RAB3C: variants seen among roughly 807,000 people sequenced by gnomAD.
RAB3C encodes RAB3C, member RAS oncogene family.
A neutral mutation model predicts 26.4 loss-of-function variants in RAB3C; 17 were observed. The observed-to-expected ratio is 0.64, with a 90% CI of 0.44 to 0.97. The LOEUF is 0.97. RAB3C is among the 50% of genes least tolerant of loss of function. RAB3C has a pLI of 0.00. For missense variants in RAB3C, 242 were observed against 281.9 expected (o/e 0.86, Z 1.01); for synonymous variants, 91 against 95.9 (o/e 0.95, Z 0.30).
intron 1 of RAB3C, among the ~76,000 whole-genome samples, chr5:58,613,159 CTT>C (rs1486432784): frequency 2.6e-5 from 4 of 152,176 alleles, no homozygotes; most frequent in African/African-American, 9.6e-5. Context: ...GTCAATAGAA[CTT>C]CTGGGAAAAC....
At chr5:58,725,729 G>A (rs1242854917) in intron 2 of RAB3C, among the ~76,000 whole-genome samples, 3 of 151,916 alleles carry the variant, frequency 2.0e-5, no homozygotes, top group Non-Finnish European at 1.5e-5. Context: ...TATTTAAAGT[G>A]TTGTATATCT....
chr5:58,674,447 C>A (rs544970854), intron 2 of RAB3C, among the ~76,000 whole-genome samples: 2 of 152,146 alleles, frequency 1.3e-5, no homozygotes, highest in South Asian at 4.1e-4. Context: ...CTAATGGATG[C>A]CACTTGGAAA....
chr5:58,770,302 G>C (rs1451988952), intron 3 of RAB3C, among the ~76,000 whole-genome samples: 2 of 152,110 alleles, frequency 1.3e-5, no homozygotes, highest in African/African-American at 4.8e-5. Flanking sequence ...CAGAGAAACT[G>C]AATAATCACT....
intron 2 of RAB3C, among the ~76,000 whole-genome samples, chr5:58,653,672 A>G (rs1747705560): frequency 1.3e-5 from 2 of 152,190 alleles, no homozygotes; most frequent in African/African-American, 4.8e-5. Flanking sequence ...GCTGGAAACC[A>G]TCATTCTCAG....
intron 3 of RAB3C, among the ~76,000 whole-genome samples, chr5:58,759,500 C>A (rs1741748596): frequency 6.6e-6 from 1 of 152,102 alleles, no homozygotes; most frequent in Non-Finnish European, 1.5e-5. Flanking sequence ...AGGTACATGC[C>A]AAAGAGACAT....
chr5:58,793,137 C>A (rs1742567627), intron 3 of RAB3C, among the ~76,000 whole-genome samples: 1 of 152,144 alleles, frequency 6.6e-6, no homozygotes, highest in Non-Finnish European at 1.5e-5. Flanking sequence ...AGAGAAGGGA[C>A]ACACAGCCTC....
rs539367459 is a variant in RAB3C at position 58,738,120 on chromosome 5, G to A, written c.371+12000G>A. Among the ~76,000 whole-genome samples the A allele has an allele frequency of 2.6e-5, 4 of 152,210 alleles. No homozygotes were observed. The South Asian group carries it at 6.2e-4, about 24-fold the overall frequency. ...TGGGAAATGTCTGCTCATTTCTCAC[G>A]GCCTCCGTTCAAAGTTTCTCTTACT... On this transcript the variant is annotated intron_variant, in intron 3 of 4. Transcript: ENST00000282878.
chr5:58,830,380 G>C (rs1455332800), intron 4 of RAB3C, among the ~76,000 whole-genome samples: 1 of 152,168 alleles, frequency 6.6e-6, no homozygotes, highest in Non-Finnish European at 1.5e-5. Context: ...GGCTAATGGG[G>C]GGAGTTTGCA....
In RAB3C at chr5:58,851,590, T is replaced by C. The variant is rs911032073; in HGVS notation, c.*239T>C. The C allele has an allele frequency of 2.1e-5, 8 of 378,860 alleles. No individual in the cohort carries two copies. The highest frequency in any genetic ancestry group is 6.8e-4 in the Middle Eastern group (1 of 1,466). The allele number at this position is 378,860 out of a possible 1,614,324, so 23.5% of individuals were successfully genotyped here. ...CATCTGGTACCTGCATGTGACTTGT[T>C]ATTTATTTGTCTGCTAGGCTCTTTT... On this transcript the variant is annotated 3_prime_UTR_variant, in exon 5 of 5. Coordinates refer to ENST00000282878, the MANE Select transcript of RAB3C (RefSeq NM_138453.4).
chr5:58,794,149 T>A (rs942803346), intron 3 of RAB3C: 6 of 152,172 alleles, frequency 3.9e-5, no homozygotes, highest in Non-Finnish European at 8.8e-5. Context: ...GCAAATGCAA[T>A]GAAAATTCAC....
chr5:58,750,010 CT>C (rs1384676547), intron 3 of RAB3C, among the ~76,000 whole-genome samples: 1 of 152,034 alleles, frequency 6.6e-6, no homozygotes, highest in Non-Finnish European at 1.5e-5. Context: ...TTAGCCATTT[CT>C]TTTTTATCTA....
intron 1 of RAB3C, among the ~76,000 whole-genome samples, chr5:58,611,660 A>G (rs1008694072): frequency 2.6e-5 from 4 of 151,956 alleles, no homozygotes; most frequent in African/African-American, 9.7e-5. Context: ...GTTTGCAAAA[A>G]ATTTTTCCTA....
intron 3 of RAB3C, among the ~76,000 whole-genome samples, chr5:58,817,957 G>GTAGAGCAATATTAGCT (rs1743252555): frequency 6.6e-6 from 1 of 152,238 alleles, no homozygotes. Context: ...AATGGATGCA[G>GTAGAGCAATATTAGCT]TAGAGCAATA....
chr5:58,798,184 T>C (rs1742720404), intron 3 of RAB3C, among the ~76,000 whole-genome samples: 1 of 152,168 alleles, frequency 6.6e-6, no homozygotes, highest in Non-Finnish European at 1.5e-5. Flanking sequence ...ATTGTAGTCA[T>C]TGATTCAGGC....
At chr5:58,838,285 C>G (rs1200243129) in intron 4 of RAB3C, among the ~76,000 whole-genome samples, 1 of 151,468 alleles carries the variant, frequency 6.6e-6, no homozygotes, top group Non-Finnish European at 1.5e-5. Flanking sequence ...GAGGCTGAGG[C>G]AGGAGAATGG....
chr5:58,682,116 G>C (rs1033754854), intron 2 of RAB3C, among the ~76,000 whole-genome samples: 6 of 152,158 alleles, frequency 3.9e-5, no homozygotes, highest in Non-Finnish European at 8.8e-5. Flanking sequence ...TGAAGTTTCA[G>C]TTTGGAAGTA....
At chr5:58,756,148 C>T (rs768451593) in intron 3 of RAB3C, among the ~76,000 whole-genome samples, 4 of 151,128 alleles carry the variant, frequency 2.6e-5, no homozygotes, top group Non-Finnish European at 5.9e-5. Flanking sequence ...TCTTTCCCCA[C>T]CCACCTCACC....
chr5:58,770,000 A>G (rs1741999600), intron 3 of RAB3C, among the ~76,000 whole-genome samples: 1 of 152,196 alleles, frequency 6.6e-6, no homozygotes, highest in East Asian at 1.9e-4. Flanking sequence ...CCATTCCATC[A>G]TGATCATTGT....
At chr5:58,644,051 C>A (rs571316454) in intron 2 of RAB3C, among the ~76,000 whole-genome samples, 187 of 152,178 alleles carry the variant, frequency 1.2e-3, no homozygotes, top group African/African-American at 4.3e-3. Flanking sequence ...GAACTCCTGA[C>A]CTCAGGTGAT....
Sources: gnomAD v4.1 joint callset for allele counts (sites outside exome capture counted in the v4.1 genomes callset) on GRCh38, gnomAD v4.1.1 for gene constraint, MANE v1.5 for transcripts, NCBI Gene and HGNC (gene_info 2026-07-23, HGNC 2026-07-21) for gene names.